Variants in SEC23B observed in about 807,000 individuals in gnomAD.
SEC23B encodes the protein protein transport protein Sec23B.
A neutral mutation model predicts 104.3 loss-of-function variants in SEC23B; 77 were observed. The ratio of observed to expected loss-of-function variants is 0.74; its 90% CI spans 0.61 to 0.89. The LOEUF is 0.89. Ranked by LOEUF, SEC23B falls within the 40% of genes least tolerant of loss-of-function variation. The pLI, the probability that SEC23B is intolerant of heterozygous loss-of-function variation, is 0.00. For synonymous variants in SEC23B, 338 were observed against 332.5 expected (o/e 1.02, Z -0.18); for missense variants, 885 against 949.4 (o/e 0.93, Z 0.89).
rs768990257 is a variant in SEC23B at position 18,527,483 on chromosome 20, C to T, written c.994-13C>T. 13 of 1,464,864 alleles carry T rather than the reference C, an allele frequency of 8.9e-6. No homozygotes were observed. The highest frequency in any genetic ancestry group is 1.2e-5 in the Non-Finnish European group (13 of 1,043,652). The allele number at this position is 1,464,864 out of a possible 1,614,324, so 90.7% of individuals were successfully genotyped here. ...GTCACTGTTTCCTAAAGATAGCTTT[C>T]CTCTCTTCACAGCACTATGAGATGC... is the stretch of plus-strand genomic sequence containing the variant. On this transcript the variant is annotated splice_polypyrimidine_tract_variant and intron_variant, in intron 8 of 19. Transcript: ENST00000650089.
rs746691480 is a variant in SEC23B, at chr20:18,548,776, G to A, written c.1905+6G>A. 1.2e-6 allele frequency: 2 copies of A among 1,613,690 alleles called. No homozygotes were observed. Among genetic ancestry groups the A allele is most frequent in the African/African-American group, 2.7e-5 (2 of 74,874 alleles). On this transcript the variant is annotated splice_donor_region_variant and intron_variant, in intron 16 of 19. Coordinates refer to ENST00000650089, the MANE Select transcript of SEC23B (RefSeq NM_006363.6). ...CCTTTCATGGGCCACCAGAGGTGAG[G>A]CTCTACCCAAATGCTTTCCTGAGGA...
intron 19 of SEC23B, 91 bp from the exon 20 acceptor site, chr20:18,560,560 G>A: frequency 1.0e-6 from 1 of 978,822 alleles, no homozygotes; most frequent in South Asian, 1.3e-5. Flanking sequence ...GACAACACCT[G>A]TGAATGTTCT....
intron 17 of SEC23B, among the ~76,000 whole-genome samples, chr20:18,553,691 T>A (rs1354562722): frequency 1.3e-5 from 2 of 152,174 alleles, no homozygotes; most frequent in Non-Finnish European, 2.9e-5. Context: ...ACTTTGATTC[T>A]TACAGCTTTT....
At chr20:18,528,946 TAGG>T (rs1352884449) in intron 9 of SEC23B, among the ~76,000 whole-genome samples, 2 of 152,208 alleles carry the variant, frequency 1.3e-5, no homozygotes, top group African/African-American at 4.8e-5. Context: ...GGCTGTGCTA[TAGG>T]AGAAGATTAT....
Position 18,532,646 on chromosome 20 carries a change from G to A in SEC23B, c.1234-18G>A, listed in dbSNP as rs969560289. ...TTGAAGTGATCTTTAACTTTACACT[G>A]TCACATATTTGTTATAGACCTCTCG... On this transcript the variant is annotated intron_variant, in intron 10 of 19. Transcript: ENST00000650089. 2 of 1,581,880 alleles carry A rather than the reference G, an allele frequency of 1.3e-6. No homozygotes were observed. The highest frequency in any genetic ancestry group is 1.7e-5 in the Admixed American group (1 of 59,982).
At position 18,560,980 on chromosome 20, in the gene SEC23B, C is replaced by G; in HGVS notation, c.*240C>G. 2.0e-6 allele frequency: 1 copy of G among 489,218 alleles called. No homozygotes were observed. The highest frequency in any genetic ancestry group is 3.7e-6 in the Non-Finnish European group (1 of 270,858). The allele number at this position is 489,218 out of a possible 1,614,324, so 30.3% of individuals were successfully genotyped here. A position where few individuals can be genotyped will look rare whatever the true frequency, so the allele number is the denominator to read the frequency against. On this transcript the variant is annotated 3_prime_UTR_variant, in exon 20 of 20. Transcript: ENST00000650089. ...TAGATGTTTATGTGCTTTTTGTATC[C>G]TAACTTTTAGAATCTAAATAAAATC...
intron 12 of SEC23B, among the ~76,000 whole-genome samples, chr20:18,538,293 A>G (rs2060255705): frequency 7.4e-6 from 1 of 134,788 alleles, no homozygotes; most frequent in Non-Finnish European, 1.5e-5. Flanking sequence ...TCTGTACCCC[A>G]GGCTGGAGTG....
At chr20:18,540,816 A>G (rs972994558) in intron 12 of SEC23B, among the ~76,000 whole-genome samples, 2 of 152,210 alleles carry the variant, frequency 1.3e-5, no homozygotes, top group African/African-American at 4.8e-5. Flanking sequence ...AGATCATGCC[A>G]TTCCACTCCA....
rs181422869 is a variant in SEC23B at position 18,530,304 on chromosome 20, T to C, written c.1110-376T>C. Among the ~76,000 whole-genome samples the C allele has an allele frequency of 1.6e-3, 251 of 152,202 alleles. 2 individuals are homozygous for C. Among genetic ancestry groups the C allele is most frequent in the African/African-American group, 5.6e-3 (233 of 41,556 alleles). Reference sequence around the variant, plus strand: ...TCTTGCTCTGTCGCCCAGGCTGGAGTGCAGTGGTCCGATCTTGGTTCGCTG... The same window carrying C: ...TCTTGCTCTGTCGCCCAGGCTGGAGCGCAGTGGTCCGATCTTGGTTCGCTG... On this transcript the variant is annotated intron_variant, in intron 9 of 19. Transcript: ENST00000650089.
At chr20:18,541,632 G>A (rs2060288738) in intron 12 of SEC23B, among the ~76,000 whole-genome samples, 1 of 152,182 alleles carries the variant, frequency 6.6e-6, no homozygotes, top group Non-Finnish European at 1.5e-5. Flanking sequence ...TGGAGCAACA[G>A]AATATACACA....
rs188117557 is a variant in SEC23B, at chr20:18,539,617, G to A, written c.1405-2679G>A. On this transcript the variant is annotated intron_variant, in intron 12 of 19. Transcript: ENST00000650089. ...CTCCCAAAGTGCTGGGATTACAGGC[G>A]TGAGCCACCACACCCAGCCAGGATC... is the stretch of plus-strand genomic sequence containing the variant. 4.7e-3 allele frequency among the ~76,000 whole-genome samples: 695 copies of A among 149,342 alleles called. 8 individuals are homozygous for A. Among genetic ancestry groups the A allele is most frequent in the South Asian group, 0.041 (187 of 4,580 alleles).
intron 14 of SEC23B, among the ~76,000 whole-genome samples, chr20:18,545,499 G>C (rs182626152): frequency 5.9e-5 from 9 of 152,334 alleles, no homozygotes; most frequent in Admixed American, 3.3e-4. Flanking sequence ...TTAGTGACCA[G>C]AAATGTGTGA....
Position 18,548,049 on chromosome 20 carries a change from T to C in SEC23B, c.1744-560T>C, listed in dbSNP as rs533818609. Reference sequence around the variant, plus strand: ...TCACCGCAACCTCCCCCTACTGGGTTCAAGTGATTTTCCTGCCTCAGCCTC... The same window carrying C: ...TCACCGCAACCTCCCCCTACTGGGTCCAAGTGATTTTCCTGCCTCAGCCTC... On this transcript the variant is annotated intron_variant, in intron 15 of 19. Transcript: ENST00000650089. Among the ~76,000 whole-genome samples the C allele has an allele frequency of 3.9e-5, 6 of 152,220 alleles. No homozygotes were observed. The East Asian group carries it at 9.7e-4, about 24-fold the overall frequency.
intron 17 of SEC23B, among the ~76,000 whole-genome samples, chr20:18,552,795 C>T (rs1356466306): frequency 3.3e-5 from 5 of 152,254 alleles, no homozygotes; most frequent in Admixed American, 2.6e-4. Flanking sequence ...GCCTGGACGA[C>T]AGAGTGAGAC....
intron 12 of SEC23B, among the ~76,000 whole-genome samples, chr20:18,537,850 G>C (rs1413653129): frequency 6.6e-6 from 1 of 152,074 alleles, no homozygotes; most frequent in Non-Finnish European, 1.5e-5. Flanking sequence ...CTCTTTTGCT[G>C]GTGGAAGGTC....
At chr20:18,546,906 T>TTG (rs1211523260) in intron 15 of SEC23B, among the ~76,000 whole-genome samples, 38 of 17,324 alleles carry the variant, frequency 2.2e-3, no homozygotes, top group African/African-American at 3.7e-3. Context: ...GTTTGCAGTT[T>TTG]TTTTTTTTTT....
intron 19 of SEC23B, among the ~76,000 whole-genome samples, chr20:18,555,986 C>T (rs953402393): frequency 8.6e-5 from 13 of 151,404 alleles, no homozygotes; most frequent in South Asian, 2.1e-4. Flanking sequence ...CTGGGGGTGA[C>T]GGGAGACGGT....
chr20:18,528,191 C>T (rs548367506), intron 9 of SEC23B, among the ~76,000 whole-genome samples: 25 of 152,278 alleles, frequency 1.6e-4, no homozygotes, highest in South Asian at 6.2e-4. Flanking sequence ...CCTCCTGAAT[C>T]GGAAACCCCG....
rs1452382137 is a variant in SEC23B at position 18,524,739 on chromosome 20, A to G, written c.603+70A>G. The G allele has an allele frequency of 5.9e-6, 8 of 1,365,052 alleles. No homozygotes were observed. In the Admixed American group the frequency reaches 1.3e-4, roughly 23 times the overall value. 84.6% of individuals were successfully genotyped at this position (1,365,052 alleles called of 1,614,324 possible). A position where few individuals can be genotyped will look rare whatever the true frequency, so the allele number is the denominator to read the frequency against. On this transcript the variant is annotated intron_variant, in intron 5 of 19. Transcript: ENST00000650089. Reference sequence around the variant, plus strand: ...TAAAAGAGACTGGGGTCTCTTTAAAAGAGCCTGTAGCCCAGGCTGGAGTTC... The same window carrying G: ...TAAAAGAGACTGGGGTCTCTTTAAAGGAGCCTGTAGCCCAGGCTGGAGTTC...
Sources: allele counts gnomAD v4.1 joint callset (sites outside exome capture counted in the v4.1 genomes callset), GRCh38; gene constraint gnomAD v4.1.1; transcripts MANE v1.5; gene names NCBI Gene and HGNC (gene_info 2026-07-23, HGNC 2026-07-21).